The following IL2RB variants were observed in gnomAD, a reference collection of about 807,000 sequenced individuals.
IL2RB encodes interleukin-2 receptor subunit beta.
A neutral mutation model predicts 44.2 loss-of-function variants in IL2RB; 17 were observed. The ratio of observed to expected loss-of-function variants is 0.38; its 90% CI spans 0.26 to 0.58. The LOEUF is 0.58. IL2RB is among the 20% of genes least tolerant of loss of function. IL2RB has a pLI of 0.63. For missense variants in IL2RB, 624 were observed against 685.5 expected, an observed-to-expected ratio of 0.91 and a Z score of 1.00; for synonymous variants, 286 against 297.9, an observed-to-expected ratio of 0.96 and a Z score of 0.41.
At chr22:37,136,466 A>ACG (rs748761091) in intron 6 of IL2RB, 73 bp from the exon 7 acceptor site, 6 of 1,329,910 alleles carry the variant, frequency 4.5e-6, no homozygotes, top group Middle Eastern at 2.6e-4. Context: ...GCATCACAGA[A>ACG]CCCCCCCCCA....
chr22:37,129,893 A>G (rs62230829), intron 9 of IL2RB, among the ~76,000 whole-genome samples: 3,326 of 152,274 alleles, frequency 0.022, 52 homozygotes, highest in Non-Finnish European at 0.033. Context: ...GCCAGGCCCA[A>G]TGGGCTCCCC....
Position 37,128,084 on chromosome 22 carries a change from C to T in IL2RB, c.*12G>A, listed in dbSNP as rs766780485. 4.6e-6 allele frequency: 7 copies of T among 1,514,036 alleles called. No homozygotes were observed. The highest frequency in any genetic ancestry group is 6.2e-6 in the Non-Finnish European group (7 of 1,137,664). The allele number at this position is 1,514,036 out of a possible 1,614,324, so 93.8% of individuals were successfully genotyped here. A position where few individuals can be genotyped will look rare whatever the true frequency, so the allele number is the denominator to read the frequency against. ...AGCAGGCAGCTGCCTGCCTCCCACC[C>T]TGGCCATCTGTCTACACCAAGTGAG... On this transcript the variant is annotated 3_prime_UTR_variant, in exon 10 of 10. Coordinates refer to ENST00000216223, the MANE Select transcript of IL2RB (RefSeq NM_000878.5). The surrounding 1 kb of genome is among the most constrained non-coding windows in gnomAD (Gnocchi z 4.5).
In IL2RB at chr22:37,128,365, C is replaced by T. The variant is rs1921233103; in HGVS notation, c.1387G>A (p.Val463Ile). ...ERMPPSLQER[V>I]PRDWDPQPLG... ...GGCTGGGGGTCCCAGTCTCTGGGGA[C>T]TCTTTCTTGCAAAGAAGGGGGCATC... The change falls in exon 10 of 10, where the codon GTC becomes ATC. Residue 463 changes from valine (V) to isoleucine (I), a missense_variant. By Grantham distance (29) the Val-to-Ile change is conservative. Around this residue, in one of 3 missense-constraint regions of IL2RB, gnomAD observed 291 missense variants for 275.5 expected, o/e 1.06. Transcript: ENST00000216223. The surrounding 1 kb of genome is among the most constrained non-coding windows in gnomAD (Gnocchi z 4.5). 2 of 1,507,404 alleles carry T rather than the reference C, an allele frequency of 1.3e-6. No individual in the cohort carries two copies. Among genetic ancestry groups the T allele is most frequent in the East Asian group, 2.3e-5 (1 of 43,360 alleles). 93.4% of individuals were successfully genotyped at this position (1,507,404 alleles called of 1,614,324 possible). A position where few individuals can be genotyped will look rare whatever the true frequency, so the allele number is the denominator to read the frequency against.
At chr22:37,138,384 G>A (rs979314959) in intron 5 of IL2RB, among the ~76,000 whole-genome samples, 4 of 152,132 alleles carry the variant, frequency 2.6e-5, no homozygotes, top group Admixed American at 1.3e-4. Flanking sequence ...AGGTGACTCC[G>A]ATTCTCCCCA....
chr22:37,161,367 G>C (rs543233636), intron 1 of IL2RB, among the ~76,000 whole-genome samples: 66 of 152,234 alleles, frequency 4.3e-4, no homozygotes, highest in African/African-American at 1.5e-3. Context: ...ATCTGGGTGC[G>C]CTGCATCTTT....
At chr22:37,132,287 T>G in intron 9 of IL2RB, 97 bp downstream of exon 9, 2 of 896,282 alleles carry the variant, frequency 2.2e-6, no homozygotes, top group Non-Finnish European at 1.8e-6. Context: ...CGGCGTTTTG[T>G]CTCCTCTCAC....
intron 1 of IL2RB, among the ~76,000 whole-genome samples, chr22:37,162,800 A>G (rs1478553501): frequency 1.3e-5 from 2 of 152,052 alleles, no homozygotes; most frequent in Non-Finnish European, 2.9e-5. Flanking sequence ...TGTGAGGGCC[A>G]AAGGCTACCT....
At chr22:37,167,171 C>T (rs1601614801) in intron 1 of IL2RB, among the ~76,000 whole-genome samples, 2 of 152,112 alleles carry the variant, frequency 1.3e-5, no homozygotes, top group African/African-American at 4.8e-5. Context: ...TTCTCCTGGC[C>T]CCCACGTTTA....
rs768662546 is a variant in IL2RB at position 37,135,351 on chromosome 22, G to T, written c.795C>A (p.Ile265=). 8.1e-6 allele frequency: 13 copies of T among 1,613,516 alleles called. No homozygotes were observed. The African/African-American group carries it at 1.6e-4, about 20-fold the overall frequency. The stretch of plus-strand genomic sequence containing the variant: ...ACCATGGCCCGGTGTTCCTGCAGTT[G>T]ATCAGCAAGTACACTAAGATGATGA... ...FGFIILVYLL[I]NCRNTGPWLK... The change falls in exon 8 of 10, where the codon ATC becomes ATA. Residue 265 remains isoleucine (I), a synonymous_variant. Transcript: ENST00000216223.
Position 37,137,677 on chromosome 22 carries a change from G to T in IL2RB, c.447C>A (p.Asn149Lys). The T allele has an allele frequency of 6.2e-7, 1 of 1,614,088 alleles. No individual in the cohort carries two copies. Among genetic ancestry groups the T allele is most frequent in the Non-Finnish European group, 8.5e-7 (1 of 1,179,926 alleles). Residue 149 changes from asparagine (N) to lysine (K), a missense_variant, in exon 6 of 10, where the codon AAC becomes AAA. Asn to Lys is a moderately conservative substitution (Grantham distance 94). Around this residue, in one of 3 missense-constraint regions of IL2RB, gnomAD observed 255 missense variants for 339.9 expected, o/e 0.75. Transcript: ENST00000216223. ...AGGCTTGGGAGATTTCCCAGCTTATGTTGCATCTGTGGGTCTCCACGTGGA... is the reference window on the plus strand; with the variant it reads ...AGGCTTGGGAGATTTCCCAGCTTATTTTGCATCTGTGGGTCTCCACGTGGA... ...QVVHVETHRC[N>K]ISWEISQASH...
At chr22:37,158,218 A>T (rs1922745607) in intron 1 of IL2RB, among the ~76,000 whole-genome samples, 1 of 152,164 alleles carries the variant, frequency 6.6e-6, no homozygotes, top group African/African-American at 2.4e-5. Context: ...AAATTAGGGA[A>T]CTTCCATCCA....
In IL2RB at chr22:37,144,073, C is replaced by A; in HGVS notation, c.88+12G>T. 1 of 1,551,838 alleles carries A rather than the reference C, an allele frequency of 6.4e-7. No homozygotes were observed. Among genetic ancestry groups the A allele is most frequent in the South Asian group, 1.2e-5 (1 of 84,058 alleles). ...AGGGAAAGCAGAGCTGTTCAGATGTCAGGGTCCTCACCATTCACCGCTGCA... is the reference window on the plus strand; with the variant it reads ...AGGGAAAGCAGAGCTGTTCAGATGTAAGGGTCCTCACCATTCACCGCTGCA... On this transcript the variant is annotated intron_variant, in intron 2 of 9. Transcript: ENST00000216223.
intron 1 of IL2RB, among the ~76,000 whole-genome samples, chr22:37,158,187 C>G (rs903308363): frequency 2.0e-5 from 3 of 152,138 alleles, no homozygotes; most frequent in Non-Finnish European, 4.4e-5. Context: ...AATGCGCATC[C>G]ATAGGGGACA....
chr22:37,156,339 G>A (rs1484480041), intron 1 of IL2RB, among the ~76,000 whole-genome samples: 1 of 152,194 alleles, frequency 6.6e-6, no homozygotes, highest in African/African-American at 2.4e-5. Context: ...GTTCAGCTGC[G>A]TGTGTCCAAA....
intron 1 of IL2RB, among the ~76,000 whole-genome samples, chr22:37,163,180 G>A (rs1417030754): frequency 6.6e-6 from 1 of 152,180 alleles, no homozygotes; most frequent in Non-Finnish European, 1.5e-5. Context: ...TCAGGTTCTG[G>A]AGGGAGCTGA....
At position 37,141,064 on chromosome 22, in the gene IL2RB, C is replaced by T. The variant is rs1158385647; in HGVS notation, c.282+1370G>A. Reference sequence around the variant, plus strand: ...CCTGCTCCACGGAGCAGGTAGGAGCCCTGCCCTCCCAGGCAGGGCTGCAGC... The same window carrying T: ...CCTGCTCCACGGAGCAGGTAGGAGCTCTGCCCTCCCAGGCAGGGCTGCAGC... On this transcript the variant is annotated intron_variant, in intron 4 of 9. Coordinates refer to ENST00000216223, the MANE Select transcript of IL2RB (RefSeq NM_000878.5). This position sits in a 1 kb window ranked among gnomAD's most constrained non-coding sequence, Gnocchi z 4.4. 6.6e-6 allele frequency among the ~76,000 whole-genome samples: 1 copy of T among 152,152 alleles called. No homozygotes were observed. The highest frequency in any genetic ancestry group is 1.5e-5 in the Non-Finnish European group (1 of 68,008).
At chr22:37,166,253 C>T (rs1276128011) in intron 1 of IL2RB, among the ~76,000 whole-genome samples, 5 of 152,210 alleles carry the variant, frequency 3.3e-5, no homozygotes, top group African/African-American at 7.2e-5. Flanking sequence ...GGGCACTCAG[C>T]GCCAGAGCCT....
chr22:37,162,903 G>A (rs556779200), intron 1 of IL2RB, among the ~76,000 whole-genome samples: 50 of 152,196 alleles, frequency 3.3e-4, no homozygotes, highest in South Asian at 1.2e-3. Flanking sequence ...CCACACCCCA[G>A]CACCAGACCA....
chr22:37,171,548 G>A (rs1168711949), intron 1 of IL2RB, among the ~76,000 whole-genome samples: 2 of 152,214 alleles, frequency 1.3e-5, no homozygotes, highest in African/African-American at 4.8e-5. Flanking sequence ...GGCAGTCAGG[G>A]TAGATGGACC....
Sources: allele counts gnomAD v4.1 joint callset (sites outside exome capture counted in the v4.1 genomes callset), GRCh38; gene constraint gnomAD v4.1.1; regional missense constraint gnomAD v4.1.1; non-coding constraint Gnocchi (gnomAD v3.1); transcripts MANE v1.5; gene names NCBI Gene and HGNC (gene_info 2026-07-23, HGNC 2026-07-21).